RFTN2: variants seen among roughly 807,000 people sequenced by gnomAD.
RFTN2 encodes raftlin family member 2.
RFTN2 carries 34 observed loss-of-function variants against 52.7 expected under a neutral mutation model. The observed-to-expected ratio is 0.64, with a 90% CI of 0.49 to 0.86. The LOEUF is 0.86. Among genes scored for constraint, RFTN2 ranks in the 40% least tolerant of loss-of-function variants. The pLI is 0.00. For missense variants in RFTN2, 536 were observed against 600.1 expected, an observed-to-expected ratio of 0.89 and a Z score of 1.12; for synonymous variants, 203 against 217.7, an observed-to-expected ratio of 0.93 and a Z score of 0.59.
intron 1 of RFTN2, among the ~76,000 whole-genome samples, chr2:197,663,023 G>A (rs976483131): frequency 5.3e-5 from 8 of 152,110 alleles, no homozygotes; most frequent in Middle Eastern, 3.4e-3. Flanking sequence ...CTTCTATGCC[G>A]AGTTTGTTGA....
In RFTN2 at chr2:197,571,605, G is replaced by A. The variant is rs2087319233; in HGVS notation, c.*403C>T. 2 of 174,684 alleles carry A rather than the reference G, an allele frequency of 1.1e-5. No homozygotes were observed. Among genetic ancestry groups the A allele is most frequent in the South Asian group, 3.0e-4 (2 of 6,690 alleles). 10.8% of individuals were successfully genotyped at this position (174,684 alleles called of 1,614,324 possible). A position where few individuals can be genotyped will look rare whatever the true frequency, so the allele number is the denominator to read the frequency against. On this transcript the variant is annotated 3_prime_UTR_variant, in exon 9 of 9. Coordinates refer to ENST00000295049, the MANE Select transcript of RFTN2 (RefSeq NM_144629.3). ...GAGAGAAAAAAAAAGAGAGAGAGAG[G>A]TTATTTTTCAGCTTAAATAAGACTG... is the stretch of plus-strand genomic sequence containing the variant.
At chr2:197,608,578 T>C (rs1314230460) in intron 7 of RFTN2, among the ~76,000 whole-genome samples, 2 of 149,660 alleles carry the variant, frequency 1.3e-5, no homozygotes, top group Non-Finnish European at 3.0e-5. Context: ...CCTCCCAAAG[T>C]GATAGGATTA....
At chr2:197,591,536 G>A (rs1312383826) in intron 8 of RFTN2, among the ~76,000 whole-genome samples, 1 of 152,220 alleles carries the variant, frequency 6.6e-6, no homozygotes, top group African/African-American at 2.4e-5. Context: ...CTGTCTGCCA[G>A]TCCCGCGCAG....
chr2:197,619,450 C>T (rs192204904), intron 5 of RFTN2, among the ~76,000 whole-genome samples: 1 of 152,038 alleles, frequency 6.6e-6, no homozygotes, highest in African/African-American at 2.4e-5. Flanking sequence ...TACCCCCAAC[C>T]CTGTGCTCTC....
intron 4 of RFTN2, among the ~76,000 whole-genome samples, chr2:197,632,368 G>A (rs2106233499): frequency 6.6e-6 from 1 of 152,286 alleles, no homozygotes; most frequent in South Asian, 2.1e-4. Flanking sequence ...TAATAACAGT[G>A]AGTTAGTTCT....
intron 3 of RFTN2, among the ~76,000 whole-genome samples, chr2:197,640,041 T>G (rs2088635930): frequency 6.6e-6 from 1 of 152,348 alleles, no homozygotes; most frequent in Non-Finnish European, 1.5e-5. Context: ...GCCTCCCAGT[T>G]AGGCTGCTCA....
chr2:197,585,524 T>C (rs896049172), intron 8 of RFTN2, among the ~76,000 whole-genome samples: 11 of 152,188 alleles, frequency 7.2e-5, no homozygotes, highest in African/African-American at 2.4e-4. Context: ...TCTTTACTTT[T>C]ATACTCACTC....
At chr2:197,579,506 A>G (rs768867339) in intron 8 of RFTN2, among the ~76,000 whole-genome samples, 7 of 152,210 alleles carry the variant, frequency 4.6e-5, no homozygotes, top group African/African-American at 1.7e-4. Context: ...CCAAATAGCC[A>G]GAAAATGGCA....
chr2:197,670,556 TC>T (rs1386536153), intron 1 of RFTN2, among the ~76,000 whole-genome samples: 1 of 149,648 alleles, frequency 6.7e-6, no homozygotes, highest in East Asian at 2.0e-4. Context: ...ACATGTGTAG[TC>T]CCAGCTACTC....
At chr2:197,646,861 G>C (rs552675351) in intron 1 of RFTN2, among the ~76,000 whole-genome samples, 195 bp from the exon 2 acceptor site, 41 of 98,882 alleles carry the variant, frequency 4.1e-4, no homozygotes, top group African/African-American at 1.5e-3. Context: ...ACCAGCCTGG[G>C]CAACATAACA....
chr2:197,664,050 C>G (rs1310924374), intron 1 of RFTN2, among the ~76,000 whole-genome samples: 1 of 151,968 alleles, frequency 6.6e-6, no homozygotes, highest in Non-Finnish European at 1.5e-5. Flanking sequence ...CTTCATTAAC[C>G]CAATAGTCAT....
intron 3 of RFTN2, among the ~76,000 whole-genome samples, chr2:197,641,271 G>A (rs1453322974): frequency 6.6e-6 from 1 of 152,232 alleles, no homozygotes; most frequent in Non-Finnish European, 1.5e-5. Context: ...TGAGAGCGGG[G>A]AGAGAGTGTG....
Position 197,569,455 on chromosome 2 carries a change from A to G in RFTN2, c.*2553T>C, listed in dbSNP as rs2087282187. On this transcript the variant is annotated 3_prime_UTR_variant, in exon 9 of 9. Transcript: ENST00000295049. ...ACCACTTGATCATAAATTATTCGCT[A>G]TCATACAAATTCATCACATAACTTA... The G allele has an allele frequency of 6.6e-6, 1 of 152,224 alleles. No individual in the cohort carries two copies. Among genetic ancestry groups the G allele is most frequent in the Non-Finnish European group, 1.5e-5 (1 of 68,040 alleles). 9.4% of individuals were successfully genotyped at this position (152,224 alleles called of 1,614,324 possible).
At chr2:197,604,607 T>C in intron 7 of RFTN2, among the ~76,000 whole-genome samples, 1 of 152,162 alleles carries the variant, frequency 6.6e-6, no homozygotes, top group Middle Eastern at 3.2e-3. Flanking sequence ...GTTATCTCTG[T>C]GTGGAGGAAG....
intron 8 of RFTN2, among the ~76,000 whole-genome samples, chr2:197,588,458 C>A (rs969493970): frequency 6.6e-6 from 1 of 152,226 alleles, no homozygotes; most frequent in Non-Finnish European, 1.5e-5. Context: ...CATGGCCAGC[C>A]GCCTTCCTTG....
At chr2:197,622,865 A>G (rs895552590) in intron 5 of RFTN2, among the ~76,000 whole-genome samples, 3 of 152,360 alleles carry the variant, frequency 2.0e-5, no homozygotes, top group Admixed American at 6.5e-5. Flanking sequence ...CAAAGGCTGG[A>G]TGACAGCACA....
At chr2:197,584,625 T>C (rs2087566807) in intron 8 of RFTN2, among the ~76,000 whole-genome samples, 1 of 152,206 alleles carries the variant, frequency 6.6e-6, no homozygotes, top group Non-Finnish European at 1.5e-5. Flanking sequence ...TTAGATCCCA[T>C]TTGTCAATTT....
At chr2:197,662,062 C>G (rs1338352904) in intron 1 of RFTN2, among the ~76,000 whole-genome samples, 1 of 152,146 alleles carries the variant, frequency 6.6e-6, no homozygotes, top group Non-Finnish European at 1.5e-5. Flanking sequence ...GAATAATTTG[C>G]AAATATTTTC....
At chr2:197,577,621 C>T (rs575644204) in intron 8 of RFTN2, among the ~76,000 whole-genome samples, 11 of 152,308 alleles carry the variant, frequency 7.2e-5, no homozygotes, top group South Asian at 2.1e-4. Flanking sequence ...TGCCAGACTG[C>T]GCTCCTTTCT....
Sources: allele counts gnomAD v4.1 joint callset (sites outside exome capture counted in the v4.1 genomes callset), GRCh38; gene constraint gnomAD v4.1.1; transcripts MANE v1.5; gene names NCBI Gene and HGNC (gene_info 2026-07-23, HGNC 2026-07-21).